The following ALDH3B2 variants were observed in gnomAD, a reference collection of about 807,000 sequenced individuals.
ALDH3B2 encodes the protein aldehyde dehydrogenase family 3 member B2.
A neutral mutation model predicts 36.7 loss-of-function variants in ALDH3B2; 45 were observed. The ratio of observed to expected loss-of-function variants is 1.23; its 90% CI spans 0.97 to 1.57. The LOEUF (loss-of-function observed/expected upper bound fraction) is 1.57, where lower values mean the gene tolerates loss of function less well. Ranked by LOEUF, ALDH3B2 falls within the 40% of genes most tolerant of loss-of-function variation. The probability of loss-of-function intolerance (pLI) is 0.00; values close to 1 mark genes in which losing one functional copy is unlikely to be tolerated. For synonymous variants in ALDH3B2, 217 were observed against 226.5 expected (o/e 0.96, Z 0.38); for missense variants, 464 against 513.3 (o/e 0.90, Z 0.93).
chr11:67,665,233 A>C (rs1565246148), intron 7 of ALDH3B2, 52 bp downstream of exon 7: 1 of 1,543,514 alleles, frequency 6.5e-7, no homozygotes, highest in African/African-American at 1.4e-5. Flanking sequence ...TGGGCCCTCC[A>C]TTGAGAAAGG....
intron 7 of ALDH3B2, among the ~76,000 whole-genome samples, 157 bp from the exon 8 acceptor site, chr11:67,664,719 A>G (rs1855849044): frequency 6.6e-6 from 1 of 152,178 alleles, no homozygotes. Context: ...TTAGGGAAGA[A>G]AGTTTCCCCA....
At chr11:67,666,497 CAGAGCAAGA>C in intron 4 of ALDH3B2, 68 bp downstream of exon 4, 1 of 1,606,906 alleles carries the variant, frequency 6.2e-7, no homozygotes, top group East Asian at 2.2e-5. Flanking sequence ...CAGGGTACCT[CAGAGCAAGA>C]TTCCAGGGGC....
chr11:67,664,707 GT>G, intron 7 of ALDH3B2, 145 bp from the exon 8 acceptor site: 1 of 1,264,866 alleles, frequency 7.9e-7, no homozygotes, highest in African/African-American at 1.5e-5. Flanking sequence ...GCTTTGGAGT[GT>G]TTAGGGAAGA....
In ALDH3B2 at chr11:67,666,617, T is replaced by TGG; in HGVS notation, c.106_107dup (p.Leu37HisfsTer2). The TGG allele has an allele frequency of 6.2e-7, 1 of 1,613,750 alleles. No homozygotes were observed. Among genetic ancestry groups the TGG allele is most frequent in the Non-Finnish European group, 8.5e-7 (1 of 1,179,890 alleles). On this transcript the variant is annotated frameshift_variant, in exon 4 of 10. Transcript: ENST00000349015. LOFTEE classifies it high-confidence loss of function. ...CCAGGAGCACCAGGGTCAGGTTCAG[T>TGG]GGGTAGTTCCAGGGTGCGATGATGA...
rs143272684 is a variant in ALDH3B2 at position 67,664,974 on chromosome 11, G to A, written c.706+311C>T. ...TTTAGAACCTGGGGATCATGGGCTCGGAGAATCAGAGGTTACGGCCTTTCA... is the reference window on the plus strand; with the variant it reads ...TTTAGAACCTGGGGATCATGGGCTCAGAGAATCAGAGGTTACGGCCTTTCA... On this transcript the variant is annotated intron_variant, in intron 7 of 9. Coordinates refer to ENST00000349015, the Ensembl canonical transcript of ALDH3B2. 5.9e-3 allele frequency among the ~76,000 whole-genome samples: 902 copies of A among 152,284 alleles called. 8 individuals are homozygous for A. The highest frequency in any genetic ancestry group is 0.018 in the South Asian group (88 of 4,826).
intron 7 of ALDH3B2, 98 bp from the exon 8 acceptor site, chr11:67,664,660 G>C: frequency 2.0e-6 from 3 of 1,492,968 alleles, no homozygotes; most frequent in Non-Finnish European, 2.7e-6. Flanking sequence ...CAGGGCTCCA[G>C]GCCAGGATCC....
At chr11:67,663,567 G>A (rs1979375) in intron 9 of ALDH3B2, 95 bp downstream of exon 9, 1,240,078 of 1,385,164 alleles carry the variant, frequency 0.9, 557,030 homozygotes, top group South Asian at 0.95. Flanking sequence ...GAGGCCCAGG[G>A]TGTGGATCAA....
Position 67,666,421 on chromosome 11 carries a change from C to T in ALDH3B2, c.152-20G>A, listed in dbSNP as rs139970434. The T allele has an allele frequency of 4.0e-4, 645 of 1,607,800 alleles. 2 individuals carry two copies. In the African/African-American group the frequency reaches 6.4e-3, roughly 16 times the overall value. On this transcript the variant is annotated intron_variant, in intron 4 of 9. Coordinates refer to ENST00000349015, the Ensembl canonical transcript of ALDH3B2. ...AACTCCCTGCAGGGGCAGATGGGGA[C>T]GTCGTTGGGGGAGCCCAGGGTCCCC...
At chr11:67,669,149 G>C (rs768139042) in intron 1 of ALDH3B2, among the ~76,000 whole-genome samples, 16 of 150,904 alleles carry the variant, frequency 1.1e-4, no homozygotes, top group Non-Finnish European at 2.2e-4. Context: ...GTGTGTCTGT[G>C]TGTCTTTGTG....
exon 7 of ALDH3B2, chr11:67,665,503 C>T (rs757404973): frequency 1.2e-6 from 2 of 1,614,072 alleles, no homozygotes; most frequent in Non-Finnish European, 1.7e-6. Context: ...AGGGGCCACG[C>T]AGGTCTGGCC....
chr11:67,669,882 GTC>G (rs1246573521), intron 1 of ALDH3B2, among the ~76,000 whole-genome samples: 1 of 147,226 alleles, frequency 6.8e-6, no homozygotes. Flanking sequence ...GTGTATGGGT[GTC>G]TGCGTATGGG....
chr11:67,670,048 GTCTCTA>G (rs1856053461), intron 1 of ALDH3B2, among the ~76,000 whole-genome samples: 1 of 20,828 alleles, frequency 4.8e-5, no homozygotes, highest in Non-Finnish European at 1.8e-4. Flanking sequence ...GTGTATGGGT[GTCTCTA>G]TGTGTATGGG....
intron 4 of ALDH3B2, 48 bp downstream of exon 4, chr11:67,666,526 A>C: frequency 1.2e-6 from 2 of 1,611,324 alleles, no homozygotes; most frequent in Non-Finnish European, 1.7e-6. Context: ...CCTCTTTGGG[A>C]GGGGCTACTG....
At chr11:67,667,628 G>A in exon 2 of ALDH3B2, 1 of 340,596 alleles carries the variant, frequency 2.9e-6, no homozygotes, top group Non-Finnish European at 4.9e-6. Flanking sequence ...TCCTCGAAGG[G>A]GTCCATCCTG....
intron 7 of ALDH3B2, among the ~76,000 whole-genome samples, chr11:67,665,008 G>A (rs4930465): frequency 0.85 from 129,467 of 152,174 alleles, 55,811 homozygotes; most frequent in South Asian, 0.95. Flanking sequence ...CAGGACAGCC[G>A]GTGGTGGGAT....
At chr11:67,676,652 A>C (rs565178959), upstream of ALDH3B2, among the ~76,000 whole-genome samples, 5 of 152,216 alleles carry the variant, frequency 3.3e-5, no homozygotes, top group East Asian at 9.7e-4. Flanking sequence ...CAAAAGGTAA[A>C]TGAAACAAAA....
chr11:67,664,813 A>G (rs564562396), intron 7 of ALDH3B2, among the ~76,000 whole-genome samples: 1 of 152,348 alleles, frequency 6.6e-6, no homozygotes, highest in South Asian at 2.1e-4. Context: ...TTGGTCTCAC[A>G]GTCAGGGGTG....
upstream of ALDH3B2, among the ~76,000 whole-genome samples, chr11:67,677,401 C>T (rs1856291557): frequency 6.6e-6 from 1 of 152,172 alleles, no homozygotes; most frequent in Non-Finnish European, 1.5e-5. Flanking sequence ...CAAAATCCAG[C>T]ATCCTTTTAT....
upstream of ALDH3B2, among the ~76,000 whole-genome samples, chr11:67,676,038 G>A (rs1180334920): frequency 6.6e-6 from 1 of 152,144 alleles, no homozygotes; most frequent in Non-Finnish European, 1.5e-5. Context: ...TTGAGGTTAG[G>A]AGTTCCAGAA....
Sources: allele counts gnomAD v4.1 joint callset (sites outside exome capture counted in the v4.1 genomes callset), GRCh38; gene constraint gnomAD v4.1.1; transcripts MANE v1.5; gene names NCBI Gene and HGNC (gene_info 2026-07-23, HGNC 2026-07-21).